PRKG1: variants seen among roughly 807,000 people sequenced by gnomAD.
PRKG1 encodes the protein cGMP-dependent protein kinase 1.
A neutral mutation model predicts 88.1 loss-of-function variants in PRKG1; 35 were observed. The observed-to-expected ratio is 0.40, with a 90% confidence interval of 0.30 to 0.53. The LOEUF (loss-of-function observed/expected upper bound fraction) is 0.53, where lower values mean the gene tolerates loss of function less well. Ranked by LOEUF, PRKG1 falls within the 20% of genes least tolerant of loss-of-function variation. The probability of loss-of-function intolerance (pLI) is 0.59; values close to 1 mark genes in which losing one functional copy is unlikely to be tolerated. For missense variants in PRKG1, 540 were observed against 839.8 expected (o/e 0.64, Z 4.41); for synonymous variants, 303 against 292.5 (o/e 1.04, Z -0.37).
At chr10:52,034,571 A>C (rs1156552871) in intron 5 of PRKG1, among the ~76,000 whole-genome samples, 1 of 151,746 alleles carries the variant, frequency 6.6e-6, no homozygotes, top group Non-Finnish European at 1.5e-5. Flanking sequence ...AGAGTGCCTA[A>C]GGAGATTCAG....
chr10:51,609,549 T>TGCAG (rs1838850691), intron 3 of PRKG1, among the ~76,000 whole-genome samples: 1 of 152,182 alleles, frequency 6.6e-6, no homozygotes, highest in Non-Finnish European at 1.5e-5. Flanking sequence ...ATATGTTCAT[T>TGCAG]GCAGCACTAT....
At chr10:51,078,441 G>A (rs1361430453) in intron 1 of PRKG1, among the ~76,000 whole-genome samples, 1 of 146,842 alleles carries the variant, frequency 6.8e-6, no homozygotes, top group Non-Finnish European at 1.5e-5. Flanking sequence ...TTTTGGCCAG[G>A]CTGATCTTGA....
chr10:51,410,731 A>G (rs1221014802), intron 2 of PRKG1, among the ~76,000 whole-genome samples: 1 of 152,140 alleles, frequency 6.6e-6, no homozygotes, highest in Non-Finnish European at 1.5e-5. Flanking sequence ...AAGGAAATTA[A>G]GGTTTTGGAT....
At chr10:51,850,816 C>T (rs1283191386) in intron 4 of PRKG1, among the ~76,000 whole-genome samples, 1 of 151,974 alleles carries the variant, frequency 6.6e-6, no homozygotes, top group African/African-American at 2.4e-5. Flanking sequence ...GTAAACATTC[C>T]AACTATGACA....
Position 51,206,417 on chromosome 10 carries a change from G to A in PRKG1, c.478+53087G>A, listed in dbSNP as rs182621817. Among the ~76,000 whole-genome samples the A allele has an allele frequency of 6.6e-5, 10 of 151,766 alleles. No homozygotes were observed. The East Asian group carries it at 7.7e-4, about 12-fold the overall frequency. ...CTGAGGCATAGAATTGCTTAAACCC[G>A]GGAGGCGGAGGATGTAGTGAGCCGA... is the stretch of plus-strand genomic sequence containing the variant. On this transcript the variant is annotated intron_variant, in intron 2 of 17. Coordinates refer to ENST00000373980, the MANE Select transcript of PRKG1 (RefSeq NM_006258.4).
At chr10:51,825,278 T>A (rs1839855072) in intron 4 of PRKG1, among the ~76,000 whole-genome samples, 1 of 152,158 alleles carries the variant, frequency 6.6e-6, no homozygotes, top group Non-Finnish European at 1.5e-5. Flanking sequence ...ATTTTAGAAA[T>A]CACTGAGTCA....
At chr10:52,243,838 G>A (rs1354869769) in intron 9 of PRKG1, among the ~76,000 whole-genome samples, 1 of 152,058 alleles carries the variant, frequency 6.6e-6, no homozygotes, top group Non-Finnish European at 1.5e-5. Flanking sequence ...GCAGATATAC[G>A]AAATGCAATT....
At chr10:51,403,693 A>G (rs1837823581) in intron 2 of PRKG1, among the ~76,000 whole-genome samples, 1 of 152,180 alleles carries the variant, frequency 6.6e-6, no homozygotes, top group Non-Finnish European at 1.5e-5. Flanking sequence ...TTCCCAAGAC[A>G]GAGCTCCCCA....
intron 3 of PRKG1, among the ~76,000 whole-genome samples, chr10:51,562,092 T>C (rs1837478624): frequency 6.6e-6 from 1 of 151,712 alleles, no homozygotes; most frequent in East Asian, 1.9e-4. Context: ...GGCATGGTGG[T>C]GCATGCCTGT....
chr10:52,067,121 A>G (rs1434714077), intron 7 of PRKG1, among the ~76,000 whole-genome samples: 1 of 152,228 alleles, frequency 6.6e-6, no homozygotes, highest in African/African-American at 2.4e-5. Context: ...AGAAATTGAT[A>G]TAACTTTGAT....
chr10:51,728,452 T>C (rs957236498), intron 3 of PRKG1, among the ~76,000 whole-genome samples: 1 of 94,696 alleles, frequency 1.1e-5, no homozygotes, highest in Non-Finnish European at 2.3e-5. Flanking sequence ...ATTTTTTCTT[T>C]GTTTTTTTTT....
intron 9 of PRKG1, among the ~76,000 whole-genome samples, chr10:52,245,437 C>A (rs563949368): frequency 6.6e-6 from 1 of 152,240 alleles, no homozygotes; most frequent in Non-Finnish European, 1.5e-5. Flanking sequence ...GACAAAGTCA[C>A]TAGCAGAACC....
chr10:51,980,986 AG>A (rs1843993704), intron 5 of PRKG1, among the ~76,000 whole-genome samples: 1 of 152,100 alleles, frequency 6.6e-6, no homozygotes, highest in Non-Finnish European at 1.5e-5. Flanking sequence ...TTTACATTCA[AG>A]GTTAATATTG....
At chr10:51,098,275 C>T (rs994507547) in intron 1 of PRKG1, among the ~76,000 whole-genome samples, 7 of 152,182 alleles carry the variant, frequency 4.6e-5, no homozygotes, top group Non-Finnish European at 8.8e-5. Flanking sequence ...CTCATCTTCA[C>T]ATCTATCAAA....
intron 7 of PRKG1, among the ~76,000 whole-genome samples, chr10:52,081,416 T>A (rs1460559077): frequency 6.6e-6 from 1 of 152,184 alleles, no homozygotes; most frequent in African/African-American, 2.4e-5. Context: ...CAACATTATC[T>A]GATGCTTTGT....
At position 52,288,967 on chromosome 10, in the gene PRKG1, T is replaced by C. The variant is rs759150808; in HGVS notation, c.1869T>C (p.Asn623=). ...CAGAAAGATTAGGGAATTTGAAAAA[T>C]GGAGTAAAAGACATTCAAAAGCACA... ...NPSERLGNLK[N]GVKDIQKHKW... is the part of the protein sequence containing the mutation. The change falls in exon 16 of 18, where the codon AAT becomes AAC. Residue 623 remains asparagine (N), a synonymous_variant. Coordinates refer to ENST00000373980, the MANE Select transcript of PRKG1 (RefSeq NM_006258.4). 3.1e-6 allele frequency: 5 copies of C among 1,609,694 alleles called. No homozygotes were observed. The highest frequency in any genetic ancestry group is 4.2e-6 in the Non-Finnish European group (5 of 1,177,260).
intron 7 of PRKG1, among the ~76,000 whole-genome samples, chr10:52,085,699 C>T (rs920447565): frequency 3.9e-5 from 6 of 152,122 alleles, no homozygotes; most frequent in Middle Eastern, 3.2e-3. Context: ...AATGTGCTCA[C>T]GGCTACTTGG....
rs139677335 is a variant in PRKG1 at position 51,334,210 on chromosome 10, A to AAC, written c.479-133507_479-133506dup. 4.9e-3 allele frequency among the ~76,000 whole-genome samples: 655 copies of AAC among 132,768 alleles called. 23 individuals carry two copies. Among genetic ancestry groups the AAC allele is most frequent in the East Asian group, 0.037 (160 of 4,378 alleles). 87.1% of individuals were successfully genotyped at this position (132,768 alleles called of 152,430 possible). A position where few individuals can be genotyped will look rare whatever the true frequency, so the allele number is the denominator to read the frequency against. ...TCTCTCTCACTCACACACACATACA[A>AAC]ACACACATGCATTGACCATCTTTGC... On this transcript the variant is annotated intron_variant, in intron 2 of 17. Coordinates refer to ENST00000373980, the MANE Select transcript of PRKG1 (RefSeq NM_006258.4).
chr10:51,474,507 C>G (rs932612578), intron 3 of PRKG1, among the ~76,000 whole-genome samples: 4 of 151,920 alleles, frequency 2.6e-5, no homozygotes, highest in African/African-American at 9.7e-5. Context: ...TAGAGACATA[C>G]AATGGGCAAT....
Sources: allele counts gnomAD v4.1 joint callset (sites outside exome capture counted in the v4.1 genomes callset), GRCh38; gene constraint gnomAD v4.1.1; transcripts MANE v1.5; gene names NCBI Gene and HGNC (gene_info 2026-07-23, HGNC 2026-07-21).